The following ADAMTS2 variants were observed in gnomAD, a reference collection of about 807,000 sequenced individuals.
ADAMTS2 encodes A disintegrin and metalloproteinase with thrombospondin motifs 2.
In ADAMTS2, 50 loss-of-function variants were observed where a neutral mutation model predicts 123.0. The ratio of observed to expected loss-of-function variants is 0.41; its 90% CI spans 0.32 to 0.51. The LOEUF (loss-of-function observed/expected upper bound fraction) is 0.51, where lower values mean the gene tolerates loss of function less well. ADAMTS2 is among the 20% of genes least tolerant of loss of function. The pLI, the probability that ADAMTS2 is intolerant of heterozygous loss-of-function variation, is 0.35. For missense variants in ADAMTS2, 1,494 were observed against 1,705.2 expected, an observed-to-expected ratio of 0.88 and a Z score of 2.18; for synonymous variants, 678 against 695.4, an observed-to-expected ratio of 0.98 and a Z score of 0.39.
In ADAMTS2 at chr5:179,129,924, G is replaced by C; in HGVS notation, c.2457+8C>G. On this transcript the variant is annotated splice_region_variant and intron_variant, in intron 16 of 21. Transcript: ENST00000251582. This position sits in a 1 kb window ranked among gnomAD's most constrained non-coding sequence, Gnocchi z 4.1. ...CCCTTCCCTGGGCCCAGCCCTGCTT[G>C]GACTCACCAGAACGGTGATGGTGCC... 1 of 1,613,772 alleles carries C rather than the reference G, an allele frequency of 6.2e-7. No individual in the cohort carries two copies. Among genetic ancestry groups the C allele is most frequent in the Non-Finnish European group, 8.5e-7 (1 of 1,180,000 alleles).
chr5:179,285,247 G>A lies in ADAMTS2; in HGVS notation c.535-12183C>T, dbSNP rs143890523. 4.1e-3 allele frequency among the ~76,000 whole-genome samples: 618 copies of A among 152,250 alleles called. 6 individuals carry two copies. The highest frequency in any genetic ancestry group is 0.014 in the African/African-American group (581 of 41,538). ...TTTTTGTTTTACATTTTTACAAAGG[G>A]CATATAGCAAAACAGACAATTCATG... On this transcript the variant is annotated intron_variant, in intron 2 of 21. Transcript: ENST00000251582. The surrounding 1 kb of genome is among the most constrained non-coding windows in gnomAD (Gnocchi z 4.9).
Position 179,345,091 on chromosome 5 carries a change from A to C in ADAMTS2, c.139+99T>G, listed in dbSNP as rs1049331095. Reference sequence around the variant, plus strand: ...CGGGCGGGGCGCGCGGAGTTTGCCCAAGTCAGGCTGGACGACGCCTGGGGA... The same window carrying C: ...CGGGCGGGGCGCGCGGAGTTTGCCCCAGTCAGGCTGGACGACGCCTGGGGA... On this transcript the variant is annotated intron_variant, in intron 1 of 21. Transcript: ENST00000251582. The surrounding 1 kb of genome is among the most constrained non-coding windows in gnomAD (Gnocchi z 7.5). 1 of 938,996 alleles carries C rather than the reference A, an allele frequency of 1.1e-6. No homozygotes were observed. Among genetic ancestry groups the C allele is most frequent in the Admixed American group, 5.7e-5 (1 of 17,608 alleles). 58.2% of individuals were successfully genotyped at this position (938,996 alleles called of 1,614,324 possible).
chr5:179,244,685 G>T (rs1326369451), intron 3 of ADAMTS2, among the ~76,000 whole-genome samples: 1 of 152,084 alleles, frequency 6.6e-6, no homozygotes, highest in East Asian at 1.9e-4. Flanking sequence ...GTATATAATT[G>T]TATTATTGGG....
intron 2 of ADAMTS2, among the ~76,000 whole-genome samples, chr5:179,278,454 A>G (rs754194820): frequency 2.6e-5 from 4 of 152,024 alleles, no homozygotes; most frequent in Non-Finnish European, 5.9e-5. Flanking sequence ...CTGTTTTTAC[A>G]TGTAATTTTT....
chr5:179,227,559 G>A (rs1561816422), intron 3 of ADAMTS2, among the ~76,000 whole-genome samples: 1 of 152,174 alleles, frequency 6.6e-6, no homozygotes, highest in Non-Finnish European at 1.5e-5. Context: ...GTGATGATGA[G>A]CCTGCTGGGC....
At chr5:179,341,746 A>G (rs1228921717) in intron 2 of ADAMTS2, among the ~76,000 whole-genome samples, 1 of 151,600 alleles carries the variant, frequency 6.6e-6, no homozygotes, top group South Asian at 2.1e-4. Flanking sequence ...AACAGAACCA[A>G]TGGTGCTGTC....
chr5:179,275,641 C>G (rs529738494), intron 2 of ADAMTS2, among the ~76,000 whole-genome samples: 3 of 152,256 alleles, frequency 2.0e-5, no homozygotes, highest in East Asian at 3.9e-4. Flanking sequence ...GAGATTGGAG[C>G]GATGTGGCCT....
chr5:179,132,907 G>T lies in ADAMTS2; in HGVS notation c.2086-7C>A. 3 of 1,613,390 alleles carry T rather than the reference G, an allele frequency of 1.9e-6. No homozygotes were observed. Among genetic ancestry groups the T allele is most frequent in the Non-Finnish European group, 1.7e-6 (2 of 1,179,782 alleles). ...CACCGTCACAGCCCACCTTCTGTTGGGGGAGGAGGCAGTGAGCACTTGAGA... is the reference window on the plus strand; with the variant it reads ...CACCGTCACAGCCCACCTTCTGTTGTGGGAGGAGGCAGTGAGCACTTGAGA... On this transcript the variant is annotated splice_region_variant and splice_polypyrimidine_tract_variant and intron_variant, in intron 13 of 21. Transcript: ENST00000251582. The surrounding 1 kb of genome is among the most constrained non-coding windows in gnomAD (Gnocchi z 6.1).
chr5:179,159,630 T>C (rs1763558620), intron 5 of ADAMTS2, among the ~76,000 whole-genome samples: 1 of 152,110 alleles, frequency 6.6e-6, no homozygotes, highest in African/African-American at 2.4e-5. Flanking sequence ...TAGGGTGGCC[T>C]CGGGACCGCT....
At chr5:179,336,759 G>C (rs1228374062) in intron 2 of ADAMTS2, among the ~76,000 whole-genome samples, 1 of 152,176 alleles carries the variant, frequency 6.6e-6, no homozygotes, top group Non-Finnish European at 1.5e-5. Context: ...AGGAACTAAG[G>C]TTCTCAGGAT....
In ADAMTS2 at chr5:179,154,096, G is replaced by A; in HGVS notation, c.1335C>T (p.Arg445=). Residue 445 remains arginine, a synonymous_variant, in exon 8 of 22, where the codon CGC becomes CGT. Transcript: ENST00000251582. The part of the protein sequence containing the change: ...MAPLVQAAFH[R]FHWSRCSQQE... ...GCTGGCTGCAGCGGGACCAGTGGAA[G>A]CGGTGGAAGGCGGCCTGCACCAGGG... The A allele has an allele frequency of 6.2e-7, 1 of 1,602,520 alleles. No homozygotes were observed.
chr5:179,162,773 T>G lies in ADAMTS2; in HGVS notation c.976-3894A>C, dbSNP rs1763621711. ...GGCTGCCTGCCACTGACGGGTGTCA[T>G]TTATGCCTGAAGAAGTTCCTCTCCT... On this transcript the variant is annotated intron_variant, in intron 5 of 21. Coordinates refer to ENST00000251582, the MANE Select transcript of ADAMTS2 (RefSeq NM_014244.5). The surrounding 1 kb of genome is among the most constrained non-coding windows in gnomAD (Gnocchi z 5.1). Among the ~76,000 whole-genome samples the G allele has an allele frequency of 6.6e-6, 1 of 152,192 alleles. No homozygotes were observed. The highest frequency in any genetic ancestry group is 1.5e-5 in the Non-Finnish European group (1 of 68,024).
At chr5:179,121,891 C>A (rs1762770856) in intron 20 of ADAMTS2, 141 bp from the exon 21 acceptor site, 5 of 548,204 alleles carry the variant, frequency 9.1e-6, no homozygotes, top group South Asian at 2.8e-5. Flanking sequence ...AAGGGTCCTC[C>A]GCTGCCAAGT....
At chr5:179,244,690 A>G (rs10061354) in intron 3 of ADAMTS2, among the ~76,000 whole-genome samples, 2,458 of 152,326 alleles carry the variant, frequency 0.016, 67 homozygotes, top group African/African-American at 0.056. Context: ...TAATTGTATT[A>G]TTGGGCCCAT....
Position 179,345,123 on chromosome 5 carries a change from G to T in ADAMTS2, c.139+67C>A. The T allele has an allele frequency of 9.6e-7, 1 of 1,041,154 alleles. No individual in the cohort carries two copies. Among genetic ancestry groups the T allele is most frequent in the Non-Finnish European group, 1.2e-6 (1 of 860,824 alleles). 64.5% of individuals were successfully genotyped at this position (1,041,154 alleles called of 1,614,324 possible). A position where few individuals can be genotyped will look rare whatever the true frequency, so the allele number is the denominator to read the frequency against. On this transcript the variant is annotated intron_variant, in intron 1 of 21. Transcript: ENST00000251582. The surrounding 1 kb of genome is among the most constrained non-coding windows in gnomAD (Gnocchi z 7.5). ...GCTGGACGACGCCTGGGGAGGGGGCGGCGGGGCACGCGGGACAGGGCCAGG... is the reference window on the plus strand; with the variant it reads ...GCTGGACGACGCCTGGGGAGGGGGCTGCGGGGCACGCGGGACAGGGCCAGG...
chr5:179,321,235 G>A (rs541426298), intron 2 of ADAMTS2, among the ~76,000 whole-genome samples: 3 of 149,844 alleles, frequency 2.0e-5, no homozygotes, highest in Non-Finnish European at 3.0e-5. Context: ...CTCTGTGCTC[G>A]AGGCAGGGCC....
chr5:179,250,266 T>TCA (rs1765887810), intron 3 of ADAMTS2, among the ~76,000 whole-genome samples: 2 of 152,176 alleles, frequency 1.3e-5, no homozygotes, highest in Admixed American at 6.5e-5. Context: ...AAGCCTGCTC[T>TCA]CACCACCTGT....
intron 2 of ADAMTS2, among the ~76,000 whole-genome samples, chr5:179,333,331 A>C (rs1581286481): frequency 6.6e-6 from 1 of 152,140 alleles, no homozygotes; most frequent in African/African-American, 2.4e-5. Context: ...GCCAGGCCCC[A>C]AGTCTGGTCT....
intron 17 of ADAMTS2, among the ~76,000 whole-genome samples, chr5:179,126,955 G>A (rs1762871899): frequency 6.6e-6 from 1 of 152,342 alleles, no homozygotes; most frequent in South Asian, 2.1e-4. Context: ...TGGGGGCGAG[G>A]CACAGGGTGG....
Sources: gnomAD v4.1 joint callset for allele counts (sites outside exome capture counted in the v4.1 genomes callset) on GRCh38, gnomAD v4.1.1 for gene constraint, Gnocchi (gnomAD v3.1) non-coding constraint, MANE v1.5 for transcripts, NCBI Gene and HGNC (gene_info 2026-07-23, HGNC 2026-07-21) for gene names.